Variants in MYH15 observed in about 807,000 individuals in gnomAD.
The protein encoded by MYH15 is myosin heavy chain 15.
A neutral mutation model predicts 240.5 loss-of-function variants in MYH15; 227 were observed. That is an observed-to-expected ratio of 0.94 (90% CI 0.85 to 1.05). The LOEUF is 1.05. MYH15 is among the 50% of genes least tolerant of loss of function. The probability of loss-of-function intolerance (pLI) is 0.00; values close to 1 mark genes in which losing one functional copy is unlikely to be tolerated. For missense variants in MYH15, 2,217 were observed against 2,247.5 expected (o/e 0.99, Z 0.27); for synonymous variants, 785 against 796.7 (o/e 0.99, Z 0.25).
chr3:108,464,459 C>A (rs1353987211), intron 15 of MYH15, among the ~76,000 whole-genome samples, 179 bp downstream of exon 15: 2 of 152,136 alleles, frequency 1.3e-5, no homozygotes, highest in African/African-American at 4.8e-5. Context: ...ACATGGAATG[C>A]TATTGTTCAT....
chr3:108,400,871 T>C (rs566027157), intron 33 of MYH15, among the ~76,000 whole-genome samples: 4 of 152,098 alleles, frequency 2.6e-5, no homozygotes, highest in Admixed American at 6.6e-5. Context: ...GAGCTTGAAA[T>C]TGGTTGACAG....
chr3:108,514,287 T>C (rs984005677), upstream of MYH15, among the ~76,000 whole-genome samples: 5 of 152,028 alleles, frequency 3.3e-5, no homozygotes, highest in African/African-American at 1.2e-4. Context: ...GTCAACCTAC[T>C]TTTAAGTGTA....
the MYH15 span, among the ~76,000 whole-genome samples, chr3:108,548,112 A>G: frequency 6.6e-6 from 1 of 152,150 alleles, no homozygotes; most frequent in Admixed American, 6.6e-5. Context: ...GGACAGATGG[A>G]CCTATATAGT....
intron 7 of MYH15, 53 bp downstream of exon 7, chr3:108,495,727 A>G: frequency 7.1e-7 from 1 of 1,410,458 alleles, no homozygotes. Context: ...TATAAGTTTT[A>G]CCATTGCTTA....
At chr3:108,505,588 T>TA in intron 2 of MYH15, 135 bp downstream of exon 2, 1 of 438,416 alleles carries the variant, frequency 2.3e-6, no homozygotes, top group South Asian at 7.9e-5. Flanking sequence ...AGGAGCTTCT[T>TA]AAAATGAATG....
intron 13 of MYH15, 120 bp downstream of exon 13, chr3:108,470,578 A>T: frequency 5.7e-6 from 5 of 880,076 alleles, no homozygotes; most frequent in African/African-American, 1.7e-5. Context: ...CAAACAAGGT[A>T]GCCCTTAAGG....
At chr3:108,446,395 C>T (rs1013927057) in intron 21 of MYH15, among the ~76,000 whole-genome samples, 6 of 152,198 alleles carry the variant, frequency 3.9e-5, no homozygotes, top group African/African-American at 9.6e-5. Context: ...GCATTCCTGC[C>T]AGTGGACAAT....
At chr3:108,406,603 A>G (rs2082548064) in intron 32 of MYH15, among the ~76,000 whole-genome samples, 1 of 152,230 alleles carries the variant, frequency 6.6e-6, no homozygotes, top group African/African-American at 2.4e-5. Context: ...ATGACCTGGG[A>G]TAATGTGAGT....
At chr3:108,530,569 TA>T (rs1430095785), upstream of MYH15, among the ~76,000 whole-genome samples, 1 of 152,160 alleles carries the variant, frequency 6.6e-6, no homozygotes, top group Non-Finnish European at 1.5e-5. Context: ...TAATGTGAAT[TA>T]TGGACTTTGA....
At chr3:108,541,656 T>C in the MYH15 span, among the ~76,000 whole-genome samples, 2 of 152,154 alleles carry the variant, frequency 1.3e-5, no homozygotes, top group Admixed American at 6.5e-5. Context: ...TAGTGGGTTA[T>C]TTGTAAATGT....
At chr3:108,480,394 A>G (rs988991857) in intron 11 of MYH15, among the ~76,000 whole-genome samples, 1 of 152,218 alleles carries the variant, frequency 6.6e-6, no homozygotes, top group Non-Finnish European at 1.5e-5. Flanking sequence ...TGAGTGAGAA[A>G]CTGAGAAAAG....
rs533310183 is a variant in MYH15, at chr3:108,510,451, G to A, written c.80C>T (p.Ala27Val). The change falls in exon 1 of 41, where the codon GCC becomes GTC. Residue 27 changes from alanine to valine, a missense_variant. Transcript: ENST00000693548. ...ACCACCACATGTCTCACCATCCAAGGCTGTGGCCTGTAGTAGAAGCAGCTC... is the reference window on the plus strand; with the variant it reads ...ACCACCACATGTCTCACCATCCAAGACTGTGGCCTGTAGTAGAAGCAGCTC... ...EAELLLLQAT[A>V]LDGKKKCWIP... The A allele has an allele frequency of 6.8e-6, 11 of 1,610,710 alleles. No homozygotes were observed. In the African/African-American group the frequency reaches 1.3e-4, roughly 20 times the overall value.
At chr3:108,437,451 T>G in intron 25 of MYH15, 103 bp downstream of exon 25, 3,062 of 1,375,660 alleles carry the variant, frequency 2.2e-3, no homozygotes, top group Non-Finnish European at 2.7e-3. Context: ...CCTTGGGTCT[T>G]GAGCTATCTG....
intron 2 of MYH15, among the ~76,000 whole-genome samples, chr3:108,505,233 T>A (rs2083466225): frequency 6.6e-6 from 1 of 152,208 alleles, no homozygotes; most frequent in African/African-American, 2.4e-5. Context: ...TTATTCACTG[T>A]TCTTCATTAA....
chr3:108,453,321 A>G (rs1321093188), intron 21 of MYH15, among the ~76,000 whole-genome samples: 1 of 152,200 alleles, frequency 6.6e-6, no homozygotes, highest in East Asian at 1.9e-4. Context: ...GAAAAAACAG[A>G]ATTAACAAAT....
rs74744030 is a variant in MYH15 at position 108,426,601 on chromosome 3, C to A, written c.3702+1891G>T. The stretch of plus-strand genomic sequence containing the variant: ...GAGATATGGAAGCATAGCTCTTCCA[C>A]CTAGATTTCAAAGGATATTTTGGAG... On this transcript the variant is annotated intron_variant, in intron 27 of 40. Coordinates refer to ENST00000693548, the MANE Select transcript of MYH15 (RefSeq NM_014981.3). Among the ~76,000 whole-genome samples, 1,162 of 152,332 alleles carry A rather than the reference C, an allele frequency of 7.6e-3. 28 individuals carry two copies. The highest frequency in any genetic ancestry group is 0.037 in the Admixed American group (564 of 15,300).
chr3:108,440,840 A>AT (rs1460070091), intron 23 of MYH15, among the ~76,000 whole-genome samples, 178 bp downstream of exon 23: 1 of 152,192 alleles, frequency 6.6e-6, no homozygotes, highest in Non-Finnish European at 1.5e-5. Flanking sequence ...GGAAATCTGA[A>AT]TTGGGACAGC....
chr3:108,384,810 GT>G, intron 38 of MYH15, 28 bp from the exon 39 acceptor site: 1 of 1,591,140 alleles, frequency 6.3e-7, no homozygotes, highest in Non-Finnish European at 8.6e-7. Flanking sequence ...GTATGGGAAG[GT>G]GATTCAGAGG....
chr3:108,547,387 T>C, the MYH15 span, among the ~76,000 whole-genome samples: 13 of 152,248 alleles, frequency 8.5e-5, no homozygotes, highest in African/African-American at 2.6e-4. Context: ...TACTTTATTA[T>C]GGGTAATACT....
Sources: gnomAD v4.1 joint callset for allele counts (sites outside exome capture counted in the v4.1 genomes callset) on GRCh38, gnomAD v4.1.1 for gene constraint, MANE v1.5 for transcripts, NCBI Gene and HGNC (gene_info 2026-07-23, HGNC 2026-07-21) for gene names.